Variants in MYO16 observed in about 807,000 individuals in gnomAD.
MYO16 encodes the protein unconventional myosin-XVI.
Under a neutral mutation model 205.3 loss-of-function variants are expected in MYO16, and 94 were observed. The ratio of observed to expected loss-of-function variants is 0.46; its 90% CI spans 0.39 to 0.54. The LOEUF (loss-of-function observed/expected upper bound fraction) is 0.54, where lower values mean the gene tolerates loss of function less well. Among genes scored for constraint, MYO16 ranks in the 20% least tolerant of loss-of-function variants. MYO16 has a pLI of 0.00. For synonymous variants in MYO16, 988 were observed against 954.0 expected (o/e 1.04, Z -0.66); for missense variants, 2,315 against 2,387.5 (o/e 0.97, Z 0.63).
chr13:108,559,312 AC>A, the MYO16 span, among the ~76,000 whole-genome samples: 2 of 152,012 alleles, frequency 1.3e-5, no homozygotes, highest in African/African-American at 2.4e-5. Flanking sequence ...AGCCCCAGAA[AC>A]AAATGCATGG....
chr13:109,153,740 C>T (rs1877817194), intron 32 of MYO16, among the ~76,000 whole-genome samples: 1 of 152,142 alleles, frequency 6.6e-6, no homozygotes, highest in South Asian at 2.1e-4. Context: ...GCCTGGGCGA[C>T]AGGGCGAGAC....
At chr13:108,648,501 A>G (rs1456081781) in intron 1 of MYO16, among the ~76,000 whole-genome samples, 1 of 152,174 alleles carries the variant, frequency 6.6e-6, no homozygotes, top group East Asian at 1.9e-4. Flanking sequence ...TTCTCATTAT[A>G]AGCACAGCAC....
At chr13:109,166,621 T>C (rs1878680961) in intron 33 of MYO16, 1 of 152,234 alleles carries the variant, frequency 6.6e-6, no homozygotes, top group African/African-American at 2.4e-5. Flanking sequence ...CAGATTTTTA[T>C]AACATTCAAC....
At chr13:108,656,241 G>A (rs368848285) in intron 1 of MYO16, among the ~76,000 whole-genome samples, 1 of 152,062 alleles carries the variant, frequency 6.6e-6, no homozygotes, top group Non-Finnish European at 1.5e-5. Context: ...TACTACTCTC[G>A]TGGTAGGGAT....
chr13:108,956,900 G>C (rs1002064875), intron 16 of MYO16, among the ~76,000 whole-genome samples: 2 of 152,000 alleles, frequency 1.3e-5, no homozygotes, highest in Non-Finnish European at 2.9e-5. Context: ...CAGCTGCTTG[G>C]TATTGCCTGT....
At chr13:108,810,022 G>A (rs754626222) in intron 7 of MYO16, among the ~76,000 whole-genome samples, 19 of 152,306 alleles carry the variant, frequency 1.2e-4, no homozygotes, top group Non-Finnish European at 2.1e-4. Context: ...CAGTCAGCAC[G>A]TGTCCTGATC....
At chr13:109,048,706 G>A (rs955809318) in intron 24 of MYO16, 55 of 184,144 alleles carry the variant, frequency 3.0e-4, no homozygotes, top group African/African-American at 1.2e-3. Flanking sequence ...TTAAAAGCAA[G>A]TGTAATTCAT....
At chr13:108,889,467 G>T (rs1594372788) in intron 14 of MYO16, among the ~76,000 whole-genome samples, 1 of 152,302 alleles carries the variant, frequency 6.6e-6, no homozygotes, top group East Asian at 1.9e-4. Context: ...AGCAAGTTTT[G>T]TTAAAAGGTT....
At chr13:109,072,601 A>T (rs113189060) in intron 27 of MYO16, among the ~76,000 whole-genome samples, 4 of 150,466 alleles carry the variant, frequency 2.7e-5, no homozygotes, top group Non-Finnish European at 4.4e-5. Context: ...ACACACACAC[A>T]CTCACACACT....
At chr13:109,142,984 T>C (rs1336849683) in intron 32 of MYO16, among the ~76,000 whole-genome samples, 1 of 152,140 alleles carries the variant, frequency 6.6e-6, no homozygotes, top group East Asian at 1.9e-4. Flanking sequence ...GGACAACTTG[T>C]AGTCAAGACC....
chr13:108,635,459 A>G (rs1431912441), intron 1 of MYO16, among the ~76,000 whole-genome samples: 1 of 151,972 alleles, frequency 6.6e-6, no homozygotes, highest in Non-Finnish European at 1.5e-5. Flanking sequence ...GTAAGGAAAT[A>G]TTAATGTTTC....
At chr13:108,944,523 C>G (rs1429450328) in intron 16 of MYO16, among the ~76,000 whole-genome samples, 1 of 152,052 alleles carries the variant, frequency 6.6e-6, no homozygotes, top group Non-Finnish European at 1.5e-5. Context: ...ATAAATCTTG[C>G]TAATTTAGTT....
chr13:108,742,756 T>G (rs1884948191), intron 4 of MYO16, among the ~76,000 whole-genome samples: 1 of 152,242 alleles, frequency 6.6e-6, no homozygotes, highest in South Asian at 2.1e-4. Flanking sequence ...CATGTATTAT[T>G]TCTAAGATGT....
intron 16 of MYO16, among the ~76,000 whole-genome samples, chr13:108,921,908 G>A (rs1881761034): frequency 6.6e-6 from 1 of 152,214 alleles, no homozygotes; most frequent in Non-Finnish European, 1.5e-5. Context: ...TGAGTGCAGT[G>A]GAAGCGTTGG....
chr13:109,012,758 ATTG>A (rs1885644437), intron 22 of MYO16, among the ~76,000 whole-genome samples: 1 of 138,436 alleles, frequency 7.2e-6, no homozygotes, highest in African/African-American at 2.8e-5. Context: ...TTTATTTCAA[ATTG>A]TTGTTATATG....
At chr13:108,622,286 T>A (rs1172147616) in intron 1 of MYO16, among the ~76,000 whole-genome samples, 1 of 152,190 alleles carries the variant, frequency 6.6e-6, no homozygotes, top group East Asian at 1.9e-4. Context: ...GTTGGAATTG[T>A]ACTTGTTGAG....
intron 1 of MYO16, among the ~76,000 whole-genome samples, chr13:108,599,861 C>T (rs1457940551): frequency 6.6e-6 from 1 of 152,146 alleles, no homozygotes; most frequent in African/African-American, 2.4e-5. Flanking sequence ...TAGCCTTGTA[C>T]AGGCATGGAA....
chr13:108,772,792 G>T (rs2138884615), intron 4 of MYO16, among the ~76,000 whole-genome samples: 1 of 152,212 alleles, frequency 6.6e-6, no homozygotes, highest in Non-Finnish European at 1.5e-5. Flanking sequence ...CCGCTTTCAA[G>T]CAGTTCAAAA....
chr13:108,972,358 A>ATATATATATATATAGCCATC (rs1884075906), intron 20 of MYO16, among the ~76,000 whole-genome samples: 1 of 23,430 alleles, frequency 4.3e-5, no homozygotes, highest in Non-Finnish European at 7.9e-5. Context: ...AGCCATATAT[A>ATATATATATATATAGCCATC]TATATATATA....
Sources: allele counts gnomAD v4.1 joint callset (sites outside exome capture counted in the v4.1 genomes callset), GRCh38; gene constraint gnomAD v4.1.1; transcripts MANE v1.5; gene names NCBI Gene and HGNC (gene_info 2026-07-23, HGNC 2026-07-21).